Variants in ARHGEF28 observed in about 807,000 individuals in gnomAD.
The protein encoded by ARHGEF28 is 190 kDa guanine nucleotide exchange factor.
ARHGEF28 carries 152 observed loss-of-function variants against 206.6 expected under a neutral mutation model. The ratio of observed to expected loss-of-function variants is 0.74; its 90% confidence interval spans 0.64 to 0.84. The LOEUF (loss-of-function observed/expected upper bound fraction) is 0.84. Ranked by LOEUF, ARHGEF28 falls within the 40% of genes least tolerant of loss-of-function variation. ARHGEF28 has a pLI of 0.00. For missense variants in ARHGEF28, 2,028 were observed against 2,073.2 expected (o/e 0.98, Z 0.42); for synonymous variants, 763 against 776.4 (o/e 0.98, Z 0.29).
chr5:73,889,757 G>A (rs911293851), intron 26 of ARHGEF28, among the ~76,000 whole-genome samples: 2 of 152,212 alleles, frequency 1.3e-5, no homozygotes, highest in African/African-American at 4.8e-5. Context: ...GAATGTGATA[G>A]GGTCAGAAGC....
Position 73,909,580 on chromosome 5 carries a change from C to T in ARHGEF28, c.4330C>T (p.Gln1444Ter), listed in dbSNP as rs992967829. The T allele has an allele frequency of 2.6e-6, 4 of 1,563,514 alleles. No individual in the cohort carries two copies. Among genetic ancestry groups the T allele is most frequent in the African/African-American group, 1.4e-5 (1 of 73,610 alleles). ...HEELANVHQLQHQLQQEQRRW... is the reference protein window; with the variant it reads ...HEELANVHQL ...GGAGCTGGCCAATGTGCACCAGCTT[C>T]AGCACCAGCTCCAGCAGGAGCAGCG... Residue 1444 changes from glutamine to a stop codon, truncating the protein, a stop_gained, in exon 34 of 36, where the codon CAG (glutamine) becomes TAG (stop). Coordinates refer to ENST00000513042, the MANE Select transcript of ARHGEF28 (RefSeq NM_001177693.2). LOFTEE classifies it high-confidence loss of function.
In ARHGEF28 at chr5:73,886,095, C is replaced by T. The variant is rs779348757; in HGVS notation, c.3301C>T (p.Arg1101Cys). The change falls in exon 25 of 36, where the codon CGT (arginine) becomes TGT (cysteine). Residue 1101 changes from arginine to cysteine, a missense_variant. Physicochemically the swap from Arg to Cys is radical, Grantham distance 180. Transcript: ENST00000513042. Reference sequence around the variant, plus strand: ...TGTTTACTGGAAAACTGCTACAGGTCGTTTCAAAGGTACTGTGGCTCTACC... The same window carrying T: ...TGTTTACTGGAAAACTGCTACAGGTTGTTTCAAAGGTACTGTGGCTCTACC... ...GLVYWKTATGRFKDILALLLT... is the reference protein window; with the variant it reads ...GLVYWKTATGCFKDILALLLT... 9 of 1,611,920 alleles carry T rather than the reference C, an allele frequency of 5.6e-6. No individual in the cohort carries two copies. The highest frequency in any genetic ancestry group is 7.6e-6 in the Non-Finnish European group (9 of 1,178,934).
chr5:73,688,575 A>G (rs928463640), intron 2 of ARHGEF28, among the ~76,000 whole-genome samples: 1 of 152,086 alleles, frequency 6.6e-6, no homozygotes, highest in African/African-American at 2.4e-5. Flanking sequence ...TTCTTCCACT[A>G]TTGTTTTCCC....
intron 29 of ARHGEF28, among the ~76,000 whole-genome samples, chr5:73,896,867 CA>C (rs1761988685): frequency 6.6e-6 from 1 of 152,216 alleles, no homozygotes; most frequent in Admixed American, 6.5e-5. Flanking sequence ...GGTGCCGGGG[CA>C]GCGGCGGACC....
At chr5:73,669,647 C>A (rs1746185205) in intron 1 of ARHGEF28, among the ~76,000 whole-genome samples, 1 of 152,056 alleles carries the variant, frequency 6.6e-6, no homozygotes, top group African/African-American at 2.4e-5. Flanking sequence ...TAGACATTGA[C>A]ACAATTTTAT....
At chr5:73,683,934 T>C (rs2112247024) in intron 1 of ARHGEF28, among the ~76,000 whole-genome samples, 1 of 152,294 alleles carries the variant, frequency 6.6e-6, no homozygotes, top group South Asian at 2.1e-4. Context: ...TCTGGGGTCA[T>C]AGGGTTTCCA....
rs1752105440 is a variant in ARHGEF28 at position 73,753,066 on chromosome 5, C to T, written c.339C>T (p.Cys113=). ...CGCAGGCCAATCGCCTCACAGCCTG[C>T]AGCCACCAGACCCTGCTGACCCCAT... ...LVTQANRLTA[C]SHQTLLTPFA... The change falls in exon 4 of 36, where the codon TGC becomes TGT. Residue 113 remains cysteine, a synonymous_variant. Coordinates refer to ENST00000513042, the MANE Select transcript of ARHGEF28 (RefSeq NM_001177693.2). 3 of 1,610,248 alleles carry T rather than the reference C, an allele frequency of 1.9e-6. No homozygotes were observed. The highest frequency in any genetic ancestry group is 1.1e-5 in the South Asian group (1 of 90,192).
chr5:73,866,199 A>G (rs913329812), intron 18 of ARHGEF28, among the ~76,000 whole-genome samples, 186 bp downstream of exon 18: 2 of 152,222 alleles, frequency 1.3e-5, no homozygotes, highest in African/African-American at 4.8e-5. Context: ...AGGTCAACCT[A>G]AGAACTTTTG....
At chr5:73,683,240 G>A in intron 1 of ARHGEF28, among the ~76,000 whole-genome samples, 1 of 151,970 alleles carries the variant, frequency 6.6e-6, no homozygotes, top group Non-Finnish European at 1.5e-5. Context: ...TTTTAACATA[G>A]GCCAGTAGTG....
chr5:73,924,950 C>T (rs1378628206), intron 35 of ARHGEF28, among the ~76,000 whole-genome samples: 5 of 152,162 alleles, frequency 3.3e-5, no homozygotes. Context: ...ATGCGGCATA[C>T]CCTTCAAAGA....
chr5:73,906,200 T>A (rs948090744), intron 33 of ARHGEF28, among the ~76,000 whole-genome samples: 2 of 152,206 alleles, frequency 1.3e-5, no homozygotes, highest in African/African-American at 2.4e-5. Context: ...TATTTTTCTA[T>A]GCATATTTAT....
rs1005595357 is a variant in ARHGEF28 at position 73,672,378 on chromosome 5, A to G, written c.-11-12463A>G. On this transcript the variant is annotated intron_variant, in intron 1 of 35. Transcript: ENST00000513042. Reference sequence around the variant, plus strand: ...GACTTTCCATTTACAGAACTTCTTTATCTGTTTATGCTTGCCTGACATTAC... The same window carrying G: ...GACTTTCCATTTACAGAACTTCTTTGTCTGTTTATGCTTGCCTGACATTAC... 2.6e-5 allele frequency among the ~76,000 whole-genome samples: 4 copies of G among 152,054 alleles called. No individual in the cohort carries two copies. In the South Asian group the frequency reaches 8.3e-4, roughly 32 times the overall value.
chr5:73,802,446 G>A (rs1755195118), intron 9 of ARHGEF28, among the ~76,000 whole-genome samples: 1 of 152,200 alleles, frequency 6.6e-6, no homozygotes, highest in Admixed American at 6.5e-5. Context: ...ACAACTTTCT[G>A]AAGTGTAACA....
intron 9 of ARHGEF28, among the ~76,000 whole-genome samples, chr5:73,816,949 C>T (rs1756250151): frequency 8.2e-6 from 1 of 122,514 alleles, no homozygotes; most frequent in African/African-American, 2.9e-5. Flanking sequence ...GCCTGATTTT[C>T]TGTTTTTTTG....
At chr5:73,880,226 C>T (rs369097350) in intron 22 of ARHGEF28, among the ~76,000 whole-genome samples, 73 of 152,308 alleles carry the variant, frequency 4.8e-4, no homozygotes, top group African/African-American at 1.3e-3. Flanking sequence ...TAGGACCCTC[C>T]GAGCCAGGTG....
chr5:73,882,650 ATGCTT>A (rs1761028814), intron 23 of ARHGEF28, 56 bp downstream of exon 23: 2 of 1,375,332 alleles, frequency 1.5e-6, no homozygotes, highest in Non-Finnish European at 1.9e-6. Context: ...GAAATAGTTT[ATGCTT>A]GTTTCTTAAT....
In ARHGEF28 at chr5:73,898,066, C is replaced by T. The variant is rs1762061954; in HGVS notation, c.3946C>T (p.His1316Tyr). ...TGTCTTGGCGGACACACTCAGTTCT[C>T]ATGATGTACCAGGATCACCGACTGC... is the stretch of plus-strand genomic sequence containing the variant. Reference protein sequence around the residue: ...DSVLADTLSSHDVPGSPTASL... With the variant: ...DSVLADTLSSYDVPGSPTASL... The change falls in exon 30 of 36, where the codon CAT (histidine) becomes TAT (tyrosine). Residue 1316 changes from histidine to tyrosine, a missense_variant. His to Tyr is a moderately conservative substitution (Grantham distance 83, BLOSUM62 2). Transcript: ENST00000513042. 1.2e-6 allele frequency: 2 copies of T among 1,612,048 alleles called. No homozygotes were observed. Among genetic ancestry groups the T allele is most frequent in the Non-Finnish European group, 1.7e-6 (2 of 1,179,244 alleles).
chr5:73,763,756 C>T (rs536567407), intron 4 of ARHGEF28, among the ~76,000 whole-genome samples: 15 of 152,156 alleles, frequency 9.9e-5, no homozygotes, highest in Admixed American at 5.9e-4. Context: ...AAAGAAAAAT[C>T]GATAAAGGCT....
chr5:73,792,063 G>C (rs1355989233), intron 7 of ARHGEF28, among the ~76,000 whole-genome samples: 2 of 152,128 alleles, frequency 1.3e-5, no homozygotes, highest in Admixed American at 6.5e-5. Context: ...TTCTTTGAAA[G>C]CTCTAAGATA....
Sources: gnomAD v4.1 joint callset for allele counts (sites outside exome capture counted in the v4.1 genomes callset) on GRCh38, gnomAD v4.1.1 for gene constraint, MANE v1.5 for transcripts, NCBI Gene and HGNC (gene_info 2026-07-23, HGNC 2026-07-21) for gene names.